ZNF253: variants seen among roughly 807,000 people sequenced by gnomAD.
The protein encoded by ZNF253 is DNA-binding protein.
A neutral mutation model predicts 11.9 loss-of-function variants in ZNF253; 8 were observed. That is an observed-to-expected ratio of 0.67 (90% CI 0.40 to 1.22). ZNF253 has a LOEUF of 1.22. Ranked by LOEUF, ZNF253 falls within the 50% of genes most tolerant of loss-of-function variation. The pLI is 0.01. For synonymous variants in ZNF253, 194 were observed against 194.9 expected, an observed-to-expected ratio of 1.00 and a Z score of 0.04; for missense variants, 485 against 586.9, an observed-to-expected ratio of 0.83 and a Z score of 1.79.
intron 3 of ZNF253, among the ~76,000 whole-genome samples, chr19:19,882,377 G>T (rs2063181566): frequency 6.6e-6 from 1 of 152,134 alleles, no homozygotes; most frequent in South Asian, 2.1e-4. Context: ...GTGAAGAGGG[G>T]TTGTAGCTTG....
At chr19:19,867,179 A>G (rs2063115125) in intron 1 of ZNF253, among the ~76,000 whole-genome samples, 1 of 152,148 alleles carries the variant, frequency 6.6e-6, no homozygotes, top group South Asian at 2.1e-4. Flanking sequence ...CATCTCTACT[A>G]AAAGTACAAA....
chr19:19,874,713 C>T (rs1160014980), intron 1 of ZNF253, among the ~76,000 whole-genome samples: 2 of 152,048 alleles, frequency 1.3e-5, no homozygotes, highest in Admixed American at 1.3e-4. Flanking sequence ...AGATCGAGAC[C>T]ATCCTGGCTA....
intron 3 of ZNF253, among the ~76,000 whole-genome samples, chr19:19,886,315 C>T (rs186517320): frequency 4.6e-5 from 7 of 152,276 alleles, no homozygotes; most frequent in Non-Finnish European, 1.5e-5. Context: ...ATAAAACTTG[C>T]TCTGTGTCCT....
chr19:19,888,059 CTATTTATT>C (rs879402720), intron 3 of ZNF253, among the ~76,000 whole-genome samples: 2 of 151,404 alleles, frequency 1.3e-5, no homozygotes, highest in Non-Finnish European at 2.9e-5. Flanking sequence ...CTAATGTTAT[CTATTTATT>C]TATTTATTTA....
rs2063165242 is a variant in ZNF253 at position 19,878,584 on chromosome 19, A to G, written c.107A>G (p.Asn36Ser). Residue 36 changes from asparagine to serine, a missense_variant, in exon 2 of 4, where the codon AAC becomes AGC. Asn to Ser is a conservative substitution (Grantham distance 46, BLOSUM62 1). Transcript: ENST00000589717. Reference sequence around the variant, plus strand: ...TTATATAGGGATGTGATGTTAGAGAACTACAGAAACTTGGTCTTCCTTGGT... The same window carrying G: ...TTATATAGGGATGTGATGTTAGAGAGCTACAGAAACTTGGTCTTCCTTGGT... The part of the protein sequence containing the change: ...RNLYRDVMLE[N>S]YRNLVFLGIV... 6.2e-7 allele frequency: 1 copy of G among 1,613,618 alleles called. No homozygotes were observed. The highest frequency in any genetic ancestry group is 1.7e-4 in the Middle Eastern group (1 of 6,060).
At chr19:19,887,411 G>A (rs573609281) in intron 3 of ZNF253, among the ~76,000 whole-genome samples, 37 of 151,862 alleles carry the variant, frequency 2.4e-4, no homozygotes, top group African/African-American at 8.9e-4. Context: ...ATTTTCCTGC[G>A]TCAGCCTTCT....
chr19:19,871,811 G>T (rs1462482303), intron 1 of ZNF253, among the ~76,000 whole-genome samples: 1 of 151,992 alleles, frequency 6.6e-6, no homozygotes. Context: ...TCTTTCTTTT[G>T]TCTTATTGTG....
Position 19,875,458 on chromosome 19 carries a change from G to A in ZNF253, c.4-3023G>A, listed in dbSNP as rs1049089691. Reference sequence around the variant, plus strand: ...GTCGCCCAGGCTGGAGTGCAGTGGTGGATCTCGGCTCACTGCAAGCTCTGC... The same window carrying A: ...GTCGCCCAGGCTGGAGTGCAGTGGTAGATCTCGGCTCACTGCAAGCTCTGC... On this transcript the variant is annotated intron_variant, in intron 1 of 3. Coordinates refer to ENST00000589717, the MANE Select transcript of ZNF253 (RefSeq NM_021047.3). Among the ~76,000 whole-genome samples, 15 of 151,814 alleles carry A rather than the reference G, an allele frequency of 9.9e-5. 1 individual carries two copies. The highest frequency in any genetic ancestry group is 7.2e-4 in the Admixed American group (11 of 15,226).
At chr19:19,869,646 C>A in intron 1 of ZNF253, among the ~76,000 whole-genome samples, 1 of 148,642 alleles carries the variant, frequency 6.7e-6, no homozygotes, top group African/African-American at 2.5e-5. Context: ...CAGGCATGAG[C>A]CACCATGCCT....
chr19:19,892,089 A>G lies in ZNF253; in HGVS notation c.842A>G (p.Glu281Gly), dbSNP rs368421048. The change falls in exon 4 of 4, where the codon GAG becomes GGG. Residue 281 changes from glutamate (E) to glycine (G), a missense_variant. Transcript: ENST00000589717. ...LTTHKIVHTG[E>G]KPYKCEECGK... is the part of the protein sequence containing the mutation. ...ACACATAAGATAGTTCATACTGGAG[A>G]GAAACCCTACAAATGTGAAGAATGT... 8.1e-6 allele frequency: 13 copies of G among 1,613,972 alleles called. No individual in the cohort carries two copies. The African/African-American group carries it at 1.6e-4, about 20-fold the overall frequency.
intron 1 of ZNF253, among the ~76,000 whole-genome samples, chr19:19,872,221 G>A (rs1355608279): frequency 1.3e-5 from 2 of 152,038 alleles, no homozygotes; most frequent in East Asian, 3.9e-4. Flanking sequence ...TAGATGTGTA[G>A]ACAAGAATCT....
intron 2 of ZNF253, among the ~76,000 whole-genome samples, 185 bp from the exon 3 acceptor site, chr19:19,879,866 G>C (rs2063170203): frequency 6.6e-6 from 1 of 152,092 alleles, no homozygotes. Flanking sequence ...AGTAGTATCA[G>C]ATAGTAAAAT....
At chr19:19,872,051 A>G (rs1191768537) in intron 1 of ZNF253, among the ~76,000 whole-genome samples, 8 of 152,258 alleles carry the variant, frequency 5.3e-5, no homozygotes, top group Non-Finnish European at 5.9e-5. Context: ...ATAGTCCTCT[A>G]CAGTCACTTC....
chr19:19,885,974 A>G (rs1467495642), intron 3 of ZNF253, among the ~76,000 whole-genome samples: 1 of 152,156 alleles, frequency 6.6e-6, no homozygotes, highest in Non-Finnish European at 1.5e-5. Context: ...CACAGTGTAT[A>G]ATTTTAGTCT....
In ZNF253 at chr19:19,880,143, C is replaced by T; in HGVS notation, c.223C>T (p.Pro75Ser). Residue 75 changes from proline to serine, a missense_variant, in exon 3 of 4, where the codon CCA becomes TCA. This residue lies in a region of ZNF253 where 218 missense variants were observed against 213.1 expected (regional missense o/e 1.02). Transcript: ENST00000589717. Reference sequence around the variant, plus strand: ...AAGACATGAGATGATTGCCAAACCCCCAGGTAGGTACGAGTGAAAACGAAT... The same window carrying T: ...AAGACATGAGATGATTGCCAAACCCTCAGGTAGGTACGAGTGAAAACGAAT... ...MERHEMIAKP[P>S]VMSSHFAQDL... The T allele has an allele frequency of 6.2e-7, 1 of 1,601,940 alleles. No individual in the cohort carries two copies.
rs1439973353 is a variant in ZNF253, at chr19:19,892,916, A to G, written c.*169A>G. ...TCAACCCTTATTACACATAATTCATACCAAACAGAAGCCCTACAAGTGTGA... is the reference window on the plus strand; with the variant it reads ...TCAACCCTTATTACACATAATTCATGCCAAACAGAAGCCCTACAAGTGTGA... On this transcript the variant is annotated 3_prime_UTR_variant, in exon 4 of 4. Transcript: ENST00000589717. The G allele has an allele frequency of 1.2e-5, 8 of 654,426 alleles. No homozygotes were observed. The Admixed American group carries it at 2.5e-4, about 20-fold the overall frequency. The allele number at this position is 654,426 out of a possible 1,614,324, so 40.5% of individuals were successfully genotyped here.
intron 2 of ZNF253, among the ~76,000 whole-genome samples, chr19:19,879,721 A>G (rs559992925): frequency 1.2e-4 from 19 of 152,332 alleles, no homozygotes; most frequent in Non-Finnish European, 2.1e-4. Context: ...TGTGAATACA[A>G]TAGGAATAAA....
In ZNF253 at chr19:19,871,781, A is replaced by G. The variant is rs2063134780; in HGVS notation, c.3+5782A>G. On this transcript the variant is annotated intron_variant, in intron 1 of 3. Coordinates refer to ENST00000589717, the MANE Select transcript of ZNF253 (RefSeq NM_021047.3). ...ATGATGCATATCACATTCAAGTTCA[A>G]TTGTGTAATAAAACCATTTTCTTTC... is the stretch of plus-strand genomic sequence containing the variant. 2.0e-5 allele frequency among the ~76,000 whole-genome samples: 3 copies of G among 152,172 alleles called. No homozygotes were observed. The South Asian group carries it at 6.2e-4, about 31-fold the overall frequency.
intron 1 of ZNF253, among the ~76,000 whole-genome samples, chr19:19,872,685 A>G (rs891170000): frequency 4.0e-5 from 6 of 151,048 alleles, no homozygotes; most frequent in South Asian, 2.1e-4. Context: ...GTCTTTACCA[A>G]TCCTCTTATA....
Sources: gnomAD v4.1 joint callset for allele counts (sites outside exome capture counted in the v4.1 genomes callset) on GRCh38, gnomAD v4.1.1 for gene constraint, gnomAD v4.1.1 regional missense constraint, MANE v1.5 for transcripts, NCBI Gene and HGNC (gene_info 2026-07-23, HGNC 2026-07-21) for gene names.